The following TBCK variants were observed in gnomAD, a reference collection of about 807,000 sequenced individuals.
TBCK encodes the protein TBC domain-containing protein kinase-like protein.
Under a neutral mutation model 113.4 loss-of-function variants are expected in TBCK, and 99 were observed. That is an observed-to-expected ratio of 0.87 (90% CI 0.74 to 1.03). The LOEUF is 1.03. Ranked by LOEUF, TBCK falls within the 50% of genes least tolerant of loss-of-function variation. The pLI is 0.00. For synonymous variants in TBCK, 369 were observed against 370.8 expected (o/e 1.00, Z 0.05); for missense variants, 1,045 against 1,061.3 (o/e 0.98, Z 0.21).
intron 23 of TBCK, among the ~76,000 whole-genome samples, chr4:106,147,816 A>C (rs1485185633): frequency 6.6e-6 from 1 of 152,218 alleles, no homozygotes. Context: ...GAAACAAGAG[A>C]GATAACCTTA....
At chr4:106,196,585 C>G (rs936407292) in intron 20 of TBCK, among the ~76,000 whole-genome samples, 1 of 151,682 alleles carries the variant, frequency 6.6e-6, no homozygotes, top group African/African-American at 2.4e-5. Flanking sequence ...GAAATAAAAC[C>G]CACTCATCTC....
At chr4:106,066,871 C>A (rs1036604647) in intron 25 of TBCK, among the ~76,000 whole-genome samples, 8 of 152,004 alleles carry the variant, frequency 5.3e-5, no homozygotes, top group Non-Finnish European at 2.9e-5. Flanking sequence ...CTTTTTATGG[C>A]TGAACATTAC....
intron 23 of TBCK, among the ~76,000 whole-genome samples, chr4:106,140,062 T>A (rs1747006910): frequency 7.1e-6 from 1 of 141,240 alleles, no homozygotes; most frequent in South Asian, 2.4e-4. Context: ...TGAATTACAA[T>A]AATATTTATT....
chr4:106,094,081 T>C (rs1461005900), intron 25 of TBCK, among the ~76,000 whole-genome samples: 1 of 152,198 alleles, frequency 6.6e-6, no homozygotes, highest in Non-Finnish European at 1.5e-5. Context: ...TTAAAAATTA[T>C]AGTGAAGGCA....
intron 24 of TBCK, among the ~76,000 whole-genome samples, chr4:106,110,157 C>T (rs1742676112): frequency 6.6e-6 from 1 of 152,190 alleles, no homozygotes. Flanking sequence ...TAAATAAATG[C>T]CAGCAGCACC....
At chr4:106,188,585 T>C (rs1016739758) in intron 22 of TBCK, among the ~76,000 whole-genome samples, 4 of 152,064 alleles carry the variant, frequency 2.6e-5, no homozygotes, top group African/African-American at 4.8e-5. Context: ...TTATCAACCA[T>C]AAAACAAGCA....
At chr4:106,245,657 C>T (rs1760713152) in intron 10 of TBCK, among the ~76,000 whole-genome samples, 1 of 152,100 alleles carries the variant, frequency 6.6e-6, no homozygotes, top group African/African-American at 2.4e-5. Context: ...AATTTGAATG[C>T]TCCCGACTGA....
chr4:106,062,023 A>G (rs1736114131), intron 25 of TBCK, among the ~76,000 whole-genome samples: 1 of 151,844 alleles, frequency 6.6e-6, no homozygotes, highest in East Asian at 1.9e-4. Context: ...CATAATTTCA[A>G]TTAGTTCAAA....
intron 3 of TBCK, among the ~76,000 whole-genome samples, chr4:106,276,553 A>G (rs1393375377): frequency 6.6e-6 from 1 of 152,066 alleles, no homozygotes; most frequent in East Asian, 1.9e-4. Flanking sequence ...CTCTAAATAC[A>G]ATAATAATAA....
chr4:106,225,981 G>A (rs1015740439), intron 19 of TBCK, among the ~76,000 whole-genome samples: 1 of 151,870 alleles, frequency 6.6e-6, no homozygotes, highest in Non-Finnish European at 1.5e-5. Context: ...GGGGAACATG[G>A]CCAAACTCTT....
chr4:106,157,890 T>C (rs1294713840), intron 23 of TBCK, among the ~76,000 whole-genome samples: 2 of 152,156 alleles, frequency 1.3e-5, no homozygotes, highest in African/African-American at 2.4e-5. Flanking sequence ...CTCCCTATCA[T>C]TTCATTTAAG....
chr4:106,265,554 G>C lies in TBCK; in HGVS notation c.267-3342C>G, dbSNP rs1762922114. ...CCAAAGAGAGAGAGAGAGAGCAAGA[G>C]GGAAAGAGACAGAGAGAGAGTGAGA... On this transcript the variant is annotated intron_variant, in intron 3 of 25. Coordinates refer to ENST00000394708, the MANE Select transcript of TBCK (RefSeq NM_001163435.3). Among the ~76,000 whole-genome samples the C allele has an allele frequency of 2.0e-5, 3 of 151,816 alleles. No individual in the cohort carries two copies. The South Asian group carries it at 6.2e-4, about 31-fold the overall frequency.
intron 23 of TBCK, among the ~76,000 whole-genome samples, chr4:106,168,867 G>A (rs1257700216): frequency 6.6e-6 from 1 of 151,722 alleles, no homozygotes; most frequent in Non-Finnish European, 1.5e-5. Flanking sequence ...TCCATTTCCT[G>A]GATAGGAGAC....
At chr4:106,120,663 C>A (rs1744212525) in intron 23 of TBCK, among the ~76,000 whole-genome samples, 1 of 152,170 alleles carries the variant, frequency 6.6e-6, no homozygotes. Context: ...TGACCCCTGA[C>A]CCCCGAGCAG....
At chr4:106,227,137 C>G (rs572484312) in intron 19 of TBCK, among the ~76,000 whole-genome samples, 44 of 152,016 alleles carry the variant, frequency 2.9e-4, no homozygotes, top group Non-Finnish European at 1.9e-4. Flanking sequence ...TTGGACACAT[C>G]TATGTCAAAC....
At chr4:106,224,974 T>C (rs528120468) in intron 19 of TBCK, among the ~76,000 whole-genome samples, 1 of 152,336 alleles carries the variant, frequency 6.6e-6, no homozygotes, top group South Asian at 2.1e-4. Context: ...CATAATAGTA[T>C]GTATACTTGT....
Position 106,095,573 on chromosome 4 carries a change from TC to T in TBCK, c.2479del (p.Glu827SerfsTer37). 1 of 1,614,056 alleles carries T rather than the reference TC, an allele frequency of 6.2e-7. No homozygotes were observed. Among genetic ancestry groups the T allele is most frequent in the Non-Finnish European group, 8.5e-7 (1 of 1,179,954 alleles). ...AGCAGTGTAAGGGCCCTGGGTAAGC[TC>T]CCCTTCTGCAGTGAAGGCAGCACTG... Reference protein sequence around the residue: ...PFSAAFTAEGELTQGPYTAML... With the variant: ...PFSAAFTAEGXLTQGPYTAML... On this transcript the variant is annotated frameshift_variant, in exon 25 of 26. Transcript: ENST00000394708. LOFTEE classifies it high-confidence loss of function.
At chr4:106,112,598 CTGTT>C (rs1281580509) in intron 24 of TBCK, among the ~76,000 whole-genome samples, 1 of 152,152 alleles carries the variant, frequency 6.6e-6, no homozygotes. Flanking sequence ...TCTGCTTACT[CTGTT>C]TATTTATTGC....
chr4:106,129,771 TTG>T (rs745633575), intron 23 of TBCK, among the ~76,000 whole-genome samples: 35 of 152,250 alleles, frequency 2.3e-4, no homozygotes, highest in Middle Eastern at 3.2e-3. Context: ...TATCTTCTGT[TTG>T]TCCCTCCAGA....
Sources: gnomAD v4.1 joint callset for allele counts (sites outside exome capture counted in the v4.1 genomes callset) on GRCh38, gnomAD v4.1.1 for gene constraint, MANE v1.5 for transcripts, NCBI Gene and HGNC (gene_info 2026-07-23, HGNC 2026-07-21) for gene names.